KIAA0232: variants seen among roughly 807,000 people sequenced by gnomAD.
KIAA0232 encodes KIAA0232.
KIAA0232 carries 27 observed loss-of-function variants against 122.0 expected under a neutral mutation model. The ratio of observed to expected loss-of-function variants is 0.22; its 90% CI spans 0.16 to 0.31. The LOEUF (loss-of-function observed/expected upper bound fraction) is 0.31. Among genes scored for constraint, KIAA0232 ranks in the 10% least tolerant of loss-of-function variants. KIAA0232 has a pLI of 1.00. For synonymous variants in KIAA0232, 613 were observed against 587.6 expected (o/e 1.04, Z -0.63); for missense variants, 1,551 against 1,634.2 (o/e 0.95, Z 0.88).
At chr4:6,834,069 T>A (rs1719136290) in intron 3 of KIAA0232, among the ~76,000 whole-genome samples, 1 of 152,196 alleles carries the variant, frequency 6.6e-6, no homozygotes, top group African/African-American at 2.4e-5. Flanking sequence ...AACATCTCTG[T>A]GCCTGACTCT....
chr4:6,805,137 C>T lies in KIAA0232; in HGVS notation c.-270+531C>T, dbSNP rs1196515059. On this transcript the variant is annotated intron_variant, in intron 2 of 9. Transcript: ENST00000307659. ...TGGGGAAACTGTGTAGCAAGTTATC[C>T]TTTAAATGATGACACTGTTTATTTA... Among the ~76,000 whole-genome samples the T allele has an allele frequency of 2.6e-5, 4 of 152,202 alleles. No individual in the cohort carries two copies. In the South Asian group the frequency reaches 6.2e-4, roughly 24 times the overall value.
intron 4 of KIAA0232, among the ~76,000 whole-genome samples, chr4:6,848,411 G>GA (rs1422070291): frequency 6.6e-6 from 1 of 152,000 alleles, no homozygotes; most frequent in Non-Finnish European, 1.5e-5. Flanking sequence ...AAAATATTTG[G>GA]AAAAAAATGG....
chr4:6,787,140 C>T (rs1716659627), intron 1 of KIAA0232, among the ~76,000 whole-genome samples: 1 of 142,030 alleles, frequency 7.0e-6, no homozygotes, highest in African/African-American at 2.6e-5. Flanking sequence ...AAGATCACAC[C>T]ACTGGACTCC....
In KIAA0232 at chr4:6,862,098, C is replaced by T. The variant is rs765012260; in HGVS notation, c.1716C>T (p.Ser572=). 102 of 1,614,062 alleles carry T rather than the reference C, an allele frequency of 6.3e-5. No homozygotes were observed. The highest frequency in any genetic ancestry group is 7.8e-5 in the Non-Finnish European group (92 of 1,180,034). ...GTGCAATATGGACAGATTCTACCAG[C>T]TCCGTAGGTGCTGAGGGCTTATTCC... is the stretch of plus-strand genomic sequence containing the variant. The part of the protein sequence containing the change: ...GERAIWTDST[S]SVGAEGLFLQ... The change falls in exon 7 of 10, where the codon AGC becomes AGT. Residue 572 remains serine, a synonymous_variant. Transcript: ENST00000307659.
At chr4:6,802,116 T>C (rs1261573606) in intron 1 of KIAA0232, among the ~76,000 whole-genome samples, 1 of 152,200 alleles carries the variant, frequency 6.6e-6, no homozygotes, top group Non-Finnish European at 1.5e-5. Context: ...GAATGTTGAT[T>C]AGGGCTTGCT....
At chr4:6,819,139 T>C (rs1718291734) in intron 2 of KIAA0232, among the ~76,000 whole-genome samples, 1 of 152,038 alleles carries the variant, frequency 6.6e-6, no homozygotes, top group African/African-American at 2.4e-5. Flanking sequence ...GGAAAAAAAC[T>C]TGGAAACACC....
intron 3 of KIAA0232, among the ~76,000 whole-genome samples, chr4:6,827,628 C>T (rs1718762483): frequency 6.6e-6 from 1 of 152,208 alleles, no homozygotes; most frequent in African/African-American, 2.4e-5. Flanking sequence ...AGCAAACACG[C>T]AGTGCTCTTG....
At chr4:6,877,219 T>A (rs1721803757) in intron 9 of KIAA0232, among the ~76,000 whole-genome samples, 1 of 152,166 alleles carries the variant, frequency 6.6e-6, no homozygotes, top group East Asian at 1.9e-4. Flanking sequence ...GCCCTTTCCG[T>A]GTCCTCCTGC....
In KIAA0232 at chr4:6,883,889, T is replaced by G. The variant is rs564874850; in HGVS notation, c.*2923T>G. On this transcript the variant is annotated 3_prime_UTR_variant, in exon 10 of 10. Coordinates refer to ENST00000307659, the MANE Select transcript of KIAA0232 (RefSeq NM_014743.3). Reference sequence around the variant, plus strand: ...TATATGAATGCATACACAGAGAAATTTACATTCAAGAGTGTACTATACTTG... The same window carrying G: ...TATATGAATGCATACACAGAGAAATGTACATTCAAGAGTGTACTATACTTG... The G allele has an allele frequency of 2.6e-5, 4 of 152,294 alleles. No individual in the cohort carries two copies. In the South Asian group the frequency reaches 8.3e-4, roughly 32 times the overall value. 9.4% of individuals were successfully genotyped at this position (152,294 alleles called of 1,614,324 possible).
intron 2 of KIAA0232, among the ~76,000 whole-genome samples, chr4:6,821,334 A>G (rs1718411439): frequency 6.6e-6 from 1 of 151,662 alleles, no homozygotes; most frequent in Non-Finnish European, 1.5e-5. Flanking sequence ...AGCGGCATAC[A>G]CTCTACCCAG....
intron 1 of KIAA0232, among the ~76,000 whole-genome samples, chr4:6,797,714 C>T (rs1009719273): frequency 1.4e-5 from 2 of 144,884 alleles, no homozygotes; most frequent in Non-Finnish European, 3.0e-5. Flanking sequence ...TGCAGTGAGC[C>T]ATGATTGCAC....
Position 6,855,964 on chromosome 4 carries a change from C to T in KIAA0232, c.370-1200C>T. 5.2e-6 allele frequency: 3 copies of T among 575,150 alleles called. No individual in the cohort carries two copies. The highest frequency in any genetic ancestry group is 6.6e-6 in the Non-Finnish European group (3 of 455,172). 35.6% of individuals were successfully genotyped at this position (575,150 alleles called of 1,614,324 possible). A position where few individuals can be genotyped will look rare whatever the true frequency, so the allele number is the denominator to read the frequency against. On this transcript the variant is annotated intron_variant, in intron 4 of 9. Coordinates refer to ENST00000307659, the MANE Select transcript of KIAA0232 (RefSeq NM_014743.3). This position sits in a 1 kb window ranked among gnomAD's most constrained non-coding sequence, Gnocchi z 4.3. ...AGTGTTTATGACTAATATCTGCCAT[C>T]GTTTTTAAGAGTGTTTTTAAAGGAA...
chr4:6,876,517 G>A (rs1226411231), intron 8 of KIAA0232, 143 bp from the exon 9 acceptor site: 12 of 566,452 alleles, frequency 2.1e-5, no homozygotes, highest in African/African-American at 5.7e-5. Flanking sequence ...TTTTAGTGAC[G>A]ACTTAAAACC....
At chr4:6,805,953 A>C (rs1717596251) in intron 2 of KIAA0232, among the ~76,000 whole-genome samples, 1 of 152,052 alleles carries the variant, frequency 6.6e-6, no homozygotes, top group Non-Finnish European at 1.5e-5. Flanking sequence ...GAATTTCATA[A>C]TAATTTTGTT....
At chr4:6,864,600 G>A (rs181467732) in intron 7 of KIAA0232, among the ~76,000 whole-genome samples, 3 of 151,838 alleles carry the variant, frequency 2.0e-5, no homozygotes, top group Non-Finnish European at 4.4e-5. Flanking sequence ...TTACCCAGGC[G>A]TGGTGGCAGG....
At position 6,881,400 on chromosome 4, in the gene KIAA0232, A is replaced by G. The variant is rs943424304; in HGVS notation, c.*434A>G. On this transcript the variant is annotated 3_prime_UTR_variant, in exon 10 of 10. Transcript: ENST00000307659. ...GGCTTTGTTCTCCAAGAACTGGGAT[A>G]TCCATTCTTACCCTACAGTGGCTTG... 6 of 152,850 alleles carry G rather than the reference A, an allele frequency of 3.9e-5. No individual in the cohort carries two copies. Among genetic ancestry groups the G allele is most frequent in the African/African-American group, 1.4e-4 (6 of 41,478 alleles). The allele number at this position is 152,850 out of a possible 1,614,324, so 9.5% of individuals were successfully genotyped here. A position where few individuals can be genotyped will look rare whatever the true frequency, so the allele number is the denominator to read the frequency against.
At chr4:6,877,234 T>C (rs559026337) in intron 9 of KIAA0232, among the ~76,000 whole-genome samples, 1 of 152,226 alleles carries the variant, frequency 6.6e-6, no homozygotes, top group Non-Finnish European at 1.5e-5. Context: ...TCCTGCACTC[T>C]GTGCACGACT....
intron 8 of KIAA0232, among the ~76,000 whole-genome samples, chr4:6,872,909 G>A (rs1029679235): frequency 2.7e-4 from 41 of 152,208 alleles, no homozygotes; most frequent in Admixed American, 2.6e-4. Flanking sequence ...GGAGTGGAGC[G>A]TTTGCTGTTC....
At chr4:6,843,751 CAGAG>C (rs1174335243) in intron 4 of KIAA0232, among the ~76,000 whole-genome samples, 1 of 152,006 alleles carries the variant, frequency 6.6e-6, no homozygotes, top group Non-Finnish European at 1.5e-5. Context: ...ACCTGGGCGA[CAGAG>C]GGAGACTCCA....
Sources: allele counts gnomAD v4.1 joint callset (sites outside exome capture counted in the v4.1 genomes callset), GRCh38; gene constraint gnomAD v4.1.1; non-coding constraint Gnocchi (gnomAD v3.1); transcripts MANE v1.5; gene names NCBI Gene and HGNC (gene_info 2026-07-23, HGNC 2026-07-21).